YEATS4: variants seen among roughly 807,000 people sequenced by gnomAD.
YEATS4 encodes YEATS domain-containing protein 4.
Under a neutral mutation model 30.1 loss-of-function variants are expected in YEATS4, and 17 were observed. That is an observed-to-expected ratio of 0.56 (90% confidence interval 0.39 to 0.85). YEATS4 has a LOEUF of 0.85. Ranked by LOEUF, YEATS4 falls within the 40% of genes least tolerant of loss-of-function variation. YEATS4 has a pLI of 0.00. For synonymous variants in YEATS4, 85 were observed against 87.5 expected, an observed-to-expected ratio of 0.97 and a Z score of 0.16; for missense variants, 142 against 268.3, an observed-to-expected ratio of 0.53 and a Z score of 3.29.
chr12:69,413,754 A>T, the YEATS4 span, among the ~76,000 whole-genome samples: 1 of 151,800 alleles, frequency 6.6e-6, no homozygotes, highest in East Asian at 2.0e-4. Context: ...TGGGAGGCTG[A>T]GGCAGGAGAA....
At chr12:69,409,848 A>G in the YEATS4 span, among the ~76,000 whole-genome samples, 1 of 152,178 alleles carries the variant, frequency 6.6e-6, no homozygotes. Context: ...ATCCAATATG[A>G]CTGGTGTCCT....
rs61048163 is a variant in YEATS4 at position 69,379,583 on chromosome 12, A to ATTTTTTTTTTT, written c.514+8635_514+8645dup. Among the ~76,000 whole-genome samples the ATTTTTTTTTTT allele has an allele frequency of 5.3e-4, 38 of 72,296 alleles. 2 individuals are homozygous for ATTTTTTTTTTT. The highest frequency in any genetic ancestry group is 8.4e-4 in the Non-Finnish European group (33 of 39,106). The allele number at this position is 72,296 out of a possible 152,430, so 47.4% of individuals were successfully genotyped here. ...CACATGCCACCACTATGCCCAGCTAATTTTTTTTTTTTTTTTTTTTTTTTT... is the reference window on the plus strand; with the variant it reads ...CACATGCCACCACTATGCCCAGCTAATTTTTTTTTTTTTTTTTTTTTTTTTTTTTTTTTTTT... On this transcript the variant is annotated intron_variant, in intron 6 of 6. Transcript: ENST00000247843.
At chr12:69,381,766 C>G (rs1314840533) in intron 6 of YEATS4, among the ~76,000 whole-genome samples, 1 of 152,208 alleles carries the variant, frequency 6.6e-6, no homozygotes, top group Non-Finnish European at 1.5e-5. Context: ...TTCCTGACTT[C>G]CCGCAACATC....
downstream of YEATS4, among the ~76,000 whole-genome samples, chr12:69,391,427 C>G (rs1317832773): frequency 6.6e-6 from 1 of 152,186 alleles, no homozygotes; most frequent in Non-Finnish European, 1.5e-5. Context: ...AAGTCCTCTA[C>G]TTTTAGACTC....
At chr12:69,371,059 T>C (rs1389969606) in intron 6 of YEATS4, 84 bp downstream of exon 6, 4 of 1,361,910 alleles carry the variant, frequency 2.9e-6, no homozygotes, top group Non-Finnish European at 3.0e-6. Context: ...TTTTACACTT[T>C]AAAAAAATGA....
At chr12:69,399,063 C>T in the YEATS4 span, among the ~76,000 whole-genome samples, 8 of 151,874 alleles carry the variant, frequency 5.3e-5, no homozygotes, top group East Asian at 5.8e-4. Context: ...AGGAGAATGG[C>T]GTGAACCCGG....
intron 4 of YEATS4, 115 bp downstream of exon 4, chr12:69,365,999 A>G (rs574157805): frequency 9.4e-5 from 72 of 767,634 alleles, no homozygotes; most frequent in Non-Finnish European, 1.2e-4. Flanking sequence ...TTTATGGCAC[A>G]GTGTATCTTG....
intron 6 of YEATS4, among the ~76,000 whole-genome samples, chr12:69,375,644 C>T (rs1341360708): frequency 6.6e-6 from 1 of 152,206 alleles, no homozygotes; most frequent in South Asian, 2.1e-4. Context: ...ACTCCGTCTG[C>T]AATCCCGGCA....
At chr12:69,367,824 A>G (rs117521692) in intron 4 of YEATS4, among the ~76,000 whole-genome samples, 3,904 of 152,308 alleles carry the variant, frequency 0.026, 77 homozygotes, top group Non-Finnish European at 0.036. Context: ...AGCAGCTCAT[A>G]TGTTACTAGA....
the YEATS4 span, among the ~76,000 whole-genome samples, chr12:69,425,984 CA>C: frequency 6.6e-6 from 1 of 152,166 alleles, no homozygotes; most frequent in African/African-American, 2.4e-5. Context: ...TGGTTCACCC[CA>C]GCATTTTGGG....
At chr12:69,360,667 A>ATTT (rs71932216) in intron 1 of YEATS4, among the ~76,000 whole-genome samples, 2 of 143,654 alleles carry the variant, frequency 1.4e-5, no homozygotes, top group African/African-American at 2.5e-5. Context: ...TGGCACGTTA[A>ATTT]TTTTTTTTTT....
chr12:69,413,206 A>C, the YEATS4 span, among the ~76,000 whole-genome samples: 1 of 152,260 alleles, frequency 6.6e-6, no homozygotes. Flanking sequence ...TGAGGAAAGG[A>C]GGGCAAGACC....
the YEATS4 span, among the ~76,000 whole-genome samples, chr12:69,410,966 C>T: frequency 6.6e-6 from 1 of 152,172 alleles, no homozygotes; most frequent in Non-Finnish European, 1.5e-5. Flanking sequence ...CAACTGGAAA[C>T]GTCTGCTTTT....
intron 6 of YEATS4, 100 bp from the exon 7 acceptor site, chr12:69,390,047 C>A: frequency 1.0e-6 from 1 of 966,898 alleles, no homozygotes; most frequent in Non-Finnish European, 1.5e-6. Flanking sequence ...CACATTTCAT[C>A]ATGGAAACAT....
rs747668114 is a variant in YEATS4 at position 69,365,615 on chromosome 12, T to A, written c.172-18T>A. On this transcript the variant is annotated intron_variant, in intron 2 of 6. Transcript: ENST00000247843. ...TTCATTTGTAGATCATAAAACTAACTAATTCCTTATATTTTAGGATATGTC... is the reference window on the plus strand; with the variant it reads ...TTCATTTGTAGATCATAAAACTAACAAATTCCTTATATTTTAGGATATGTC... The A allele has an allele frequency of 1.1e-5, 17 of 1,568,504 alleles. No homozygotes were observed. The Admixed American group carries it at 2.9e-4, about 27-fold the overall frequency.
the YEATS4 span, among the ~76,000 whole-genome samples, chr12:69,420,692 A>C: frequency 6.6e-6 from 1 of 152,212 alleles, no homozygotes; most frequent in Non-Finnish European, 1.5e-5. Context: ...CAGAAGGAAC[A>C]CAGCCAGCAA....
chr12:69,381,211 G>A (rs2121025483), intron 6 of YEATS4, among the ~76,000 whole-genome samples: 1 of 152,278 alleles, frequency 6.6e-6, no homozygotes, highest in African/African-American at 2.4e-5. Context: ...CCCTGAAGCA[G>A]CCATTTCAGA....
chr12:69,380,124 T>C (rs1876017485), intron 6 of YEATS4, among the ~76,000 whole-genome samples: 1 of 152,250 alleles, frequency 6.6e-6, no homozygotes, highest in Non-Finnish European at 1.5e-5. Flanking sequence ...GGTGAGGTCA[T>C]GTTTTCCTGG....
intron 6 of YEATS4, 28 bp from the exon 7 acceptor site, chr12:69,390,119 C>G (rs1175574097): frequency 2.6e-6 from 4 of 1,546,674 alleles, no homozygotes; most frequent in Non-Finnish European, 3.5e-6. Flanking sequence ...GAGAAAAATA[C>G]TTTAGTAAAA....
Sources: allele counts gnomAD v4.1 joint callset (sites outside exome capture counted in the v4.1 genomes callset), GRCh38; gene constraint gnomAD v4.1.1; transcripts MANE v1.5; gene names NCBI Gene and HGNC (gene_info 2026-07-23, HGNC 2026-07-21).